Variants in OLFM3 observed in about 807,000 individuals in gnomAD.
The protein encoded by OLFM3 is olfactomedin 3, also known as noelin-3.
In OLFM3, 20 loss-of-function variants were observed where a neutral mutation model predicts 48.6. The observed-to-expected ratio is 0.41, with a 90% CI of 0.29 to 0.60. The LOEUF (loss-of-function observed/expected upper bound fraction) is 0.60. Ranked by LOEUF, OLFM3 falls within the 20% of genes least tolerant of loss-of-function variation. The pLI is 0.28. For synonymous variants in OLFM3, 222 were observed against 198.1 expected, an observed-to-expected ratio of 1.12 and a Z score of -1.01; for missense variants, 437 against 544.3, an observed-to-expected ratio of 0.80 and a Z score of 1.96.
chr1:101,842,310 G>C (rs113889874), intron 1 of OLFM3, among the ~76,000 whole-genome samples: 2,493 of 152,220 alleles, frequency 0.016, 30 homozygotes, highest in Non-Finnish European at 0.024. Context: ...GGGGCAGGTG[G>C]ATGGCTTGAG....
At chr1:101,879,370 A>G (rs1358286718) in intron 1 of OLFM3, among the ~76,000 whole-genome samples, 1 of 151,882 alleles carries the variant, frequency 6.6e-6, no homozygotes, top group Non-Finnish European at 1.5e-5. Context: ...ATGAGAAATT[A>G]TTCCTTACAA....
At chr1:101,972,839 A>G (rs1306196031) in intron 1 of OLFM3, among the ~76,000 whole-genome samples, 1 of 152,204 alleles carries the variant, frequency 6.6e-6, no homozygotes, top group Non-Finnish European at 1.5e-5. Flanking sequence ...AATATTGAAT[A>G]TAGACTGCAT....
intron 1 of OLFM3, among the ~76,000 whole-genome samples, chr1:101,914,861 G>C (rs1004838333): frequency 6.6e-6 from 1 of 152,174 alleles, no homozygotes. Flanking sequence ...TTGACAGAAA[G>C]AAGAGGTTGG....
At chr1:101,841,202 T>C (rs12117958) in intron 1 of OLFM3, among the ~76,000 whole-genome samples, 47,814 of 152,102 alleles carry the variant, frequency 0.31, 7,952 homozygotes, top group Admixed American at 0.43. Context: ...TCAAACTACC[T>C]TGCATTTCAA....
intron 2 of OLFM3, among the ~76,000 whole-genome samples, chr1:101,832,733 T>C (rs1349611946): frequency 1.3e-5 from 2 of 152,236 alleles, no homozygotes; most frequent in Non-Finnish European, 2.9e-5. Context: ...TAATAAGTAT[T>C]TAGAATTTTA....
intron 1 of OLFM3, among the ~76,000 whole-genome samples, chr1:101,969,942 G>A (rs528822198): frequency 6.6e-6 from 1 of 152,238 alleles, no homozygotes; most frequent in South Asian, 2.1e-4. Flanking sequence ...GAGGTCTGGA[G>A]TGATTAACTG....
At position 101,895,832 on chromosome 1, in the gene OLFM3, T is replaced by C. The variant is rs542023944; in HGVS notation, c.70-58807A>G. 1.5e-3 allele frequency among the ~76,000 whole-genome samples: 223 copies of C among 152,266 alleles called. 1 individual carries two copies. Among genetic ancestry groups the C allele is most frequent in the African/African-American group, 5.1e-3 (210 of 41,552 alleles). On this transcript the variant is annotated intron_variant, in intron 1 of 5. Coordinates refer to ENST00000370103, the MANE Select transcript of OLFM3 (RefSeq NM_058170.4). ...TGAAAAACTTGCAAAATTTTCAGTG[T>C]TTGTATGAATGTGTATGTATATGCT... is the stretch of plus-strand genomic sequence containing the variant.
In OLFM3 at chr1:101,986,657, T is replaced by C. The variant is rs531717006; in HGVS notation, c.69+10091A>G. Among the ~76,000 whole-genome samples, 7 of 152,334 alleles carry C rather than the reference T, an allele frequency of 4.6e-5. No individual in the cohort carries two copies. In the South Asian group the frequency reaches 1.0e-3, roughly 23 times the overall value. On this transcript the variant is annotated intron_variant, in intron 1 of 5. Transcript: ENST00000370103. ...CAAATAGACAAAATGCAGTCAAGCT[T>C]GTTTCTTCTTTCTCTGCAAAGTTAA...
chr1:101,815,665 AG>A, intron 4 of OLFM3, among the ~76,000 whole-genome samples: 1 of 152,306 alleles, frequency 6.6e-6, no homozygotes, highest in Non-Finnish European at 1.5e-5. Flanking sequence ...CCAGCTAGAC[AG>A]ATTGTAGTGT....
chr1:101,968,171 G>A (rs897767931), intron 1 of OLFM3, among the ~76,000 whole-genome samples: 6 of 152,144 alleles, frequency 3.9e-5, no homozygotes, highest in Non-Finnish European at 8.8e-5. Flanking sequence ...ATAACTTTGT[G>A]TGAGTCCACA....
intron 1 of OLFM3, among the ~76,000 whole-genome samples, chr1:101,995,957 A>G (rs4575101): frequency 0.22 from 33,358 of 152,128 alleles, 4,244 homozygotes; most frequent in Middle Eastern, 0.33. Flanking sequence ...TTTCTCAGAC[A>G]TCGTTGAAAA....
chr1:101,987,286 T>C (rs920979632), intron 1 of OLFM3, among the ~76,000 whole-genome samples: 1 of 152,208 alleles, frequency 6.6e-6, no homozygotes, highest in African/African-American at 2.4e-5. Flanking sequence ...CATTACTCTT[T>C]TTACATTTCC....
chr1:101,966,956 A>G (rs1237353228), intron 1 of OLFM3, among the ~76,000 whole-genome samples: 2 of 152,242 alleles, frequency 1.3e-5, no homozygotes, highest in Non-Finnish European at 2.9e-5. Flanking sequence ...AATATCTACT[A>G]TAGAAATTAG....
At chr1:101,887,837 G>A (rs1253340593) in intron 1 of OLFM3, among the ~76,000 whole-genome samples, 1 of 150,572 alleles carries the variant, frequency 6.6e-6, no homozygotes, top group Non-Finnish European at 1.5e-5. Flanking sequence ...AAAAAAAAAA[G>A]CATCAGTATA....
At chr1:101,843,026 A>G (rs1418880631) in intron 1 of OLFM3, among the ~76,000 whole-genome samples, 2 of 152,220 alleles carry the variant, frequency 1.3e-5, no homozygotes, top group African/African-American at 2.4e-5. Flanking sequence ...GGGGGGAAAA[A>G]CAGTCATATA....
chr1:101,842,084 T>A (rs1459575462), intron 1 of OLFM3, among the ~76,000 whole-genome samples: 1 of 152,190 alleles, frequency 6.6e-6, no homozygotes, highest in Non-Finnish European at 1.5e-5. Context: ...AATAAAGATG[T>A]CACTGCATAG....
At chr1:101,877,482 T>G (rs1323660215) in intron 1 of OLFM3, among the ~76,000 whole-genome samples, 1 of 152,000 alleles carries the variant, frequency 6.6e-6, no homozygotes, top group Non-Finnish European at 1.5e-5. Context: ...AGTTTTTCAA[T>G]GAGCTATATT....
intron 1 of OLFM3, among the ~76,000 whole-genome samples, chr1:101,951,266 G>A (rs1447538419): frequency 6.6e-6 from 1 of 152,194 alleles, no homozygotes; most frequent in East Asian, 1.9e-4. Context: ...TGTGAATGCT[G>A]TATGATAATT....
intron 1 of OLFM3, among the ~76,000 whole-genome samples, chr1:101,950,690 C>A (rs1461967248): frequency 6.6e-6 from 1 of 152,018 alleles, no homozygotes; most frequent in Non-Finnish European, 1.5e-5. Context: ...GTGATCCACC[C>A]GCCTCGGCCT....
Sources: allele counts gnomAD v4.1 joint callset (sites outside exome capture counted in the v4.1 genomes callset), GRCh38; gene constraint gnomAD v4.1.1; transcripts MANE v1.5; gene names NCBI Gene and HGNC (gene_info 2026-07-23, HGNC 2026-07-21).